DPYD: variants seen among roughly 807,000 people sequenced by gnomAD.
DPYD encodes the protein dihydropyrimidine dehydrogenase.
DPYD carries 109 observed loss-of-function variants against 116.2 expected under a neutral mutation model. The ratio of observed to expected loss-of-function variants is 0.94; its 90% CI spans 0.80 to 1.10. The LOEUF is 1.10. DPYD is among the 50% of genes least tolerant of loss of function. The pLI is 0.00. For missense variants in DPYD, 1,302 were observed against 1,254.5 expected (o/e 1.04, Z -0.57); for synonymous variants, 440 against 432.0 (o/e 1.02, Z -0.23).
intron 3 of DPYD, among the ~76,000 whole-genome samples, chr1:97,748,071 ATTAT>A (rs1250260968): frequency 6.6e-6 from 1 of 152,156 alleles, no homozygotes; most frequent in Non-Finnish European, 1.5e-5. Flanking sequence ...ATGTTTTATA[ATTAT>A]TTATGTACAT....
intron 19 of DPYD, among the ~76,000 whole-genome samples, chr1:97,197,145 T>C (rs531377068): frequency 5.3e-5 from 8 of 152,312 alleles, no homozygotes; most frequent in South Asian, 4.1e-4. Context: ...CCCATTTACA[T>C]CAGATTAAAA....
intron 2 of DPYD, among the ~76,000 whole-genome samples, chr1:97,835,592 A>T (rs1669731900): frequency 6.6e-6 from 1 of 152,122 alleles, no homozygotes; most frequent in Non-Finnish European, 1.5e-5. Flanking sequence ...TGAGAGGTCA[A>T]CAAAGTTCAG....
At chr1:97,633,949 G>A (rs929077497) in intron 8 of DPYD, among the ~76,000 whole-genome samples, 7 of 152,068 alleles carry the variant, frequency 4.6e-5, no homozygotes, top group South Asian at 2.1e-4. Context: ...GGCTAGGGAG[G>A]GAGAGCCTTC....
At chr1:97,721,737 C>T (rs558233285) in intron 4 of DPYD, 66 bp from the exon 5 acceptor site, 3 of 1,465,460 alleles carry the variant, frequency 2.0e-6, no homozygotes, top group African/African-American at 2.8e-5. Context: ...CAAATTACGA[C>T]AAACATTATT....
chr1:97,576,986 T>C (rs1391764894), intron 10 of DPYD, among the ~76,000 whole-genome samples: 1 of 152,208 alleles, frequency 6.6e-6, no homozygotes, highest in African/African-American at 2.4e-5. Context: ...AATAGTAATA[T>C]CATTTGCATA....
intron 20 of DPYD, among the ~76,000 whole-genome samples, chr1:97,179,380 T>C (rs1322362232): frequency 2.0e-5 from 3 of 152,072 alleles, no homozygotes; most frequent in South Asian, 4.1e-4. Flanking sequence ...AGCCTGATGA[T>C]GGGTGGGTGA....
intron 20 of DPYD, among the ~76,000 whole-genome samples, chr1:97,175,146 T>C (rs976873861): frequency 5.3e-5 from 8 of 152,234 alleles, no homozygotes; most frequent in Non-Finnish European, 8.8e-5. Flanking sequence ...CCATTTTATA[T>C]ACTCATTAGC....
At chr1:97,221,137 T>C (rs1351132293) in intron 19 of DPYD, among the ~76,000 whole-genome samples, 1 of 152,178 alleles carries the variant, frequency 6.6e-6, no homozygotes, top group Non-Finnish European at 1.5e-5. Context: ...ATCTCACTTA[T>C]AAAATTATAT....
intron 20 of DPYD, among the ~76,000 whole-genome samples, chr1:97,147,811 G>C (rs111934384): frequency 6.6e-6 from 1 of 152,146 alleles, no homozygotes; most frequent in African/African-American, 2.4e-5. Context: ...ATTGTGGAGC[G>C]AGTAATAGCT....
intron 19 of DPYD, among the ~76,000 whole-genome samples, chr1:97,209,518 G>T (rs989464245): frequency 6.6e-6 from 1 of 152,106 alleles, no homozygotes; most frequent in Non-Finnish European, 1.5e-5. Flanking sequence ...AATGTGTGAT[G>T]TATTTGGCCA....
intron 8 of DPYD, among the ~76,000 whole-genome samples, chr1:97,601,653 C>T (rs113516117): frequency 4.6e-5 from 7 of 152,014 alleles, no homozygotes; most frequent in African/African-American, 1.4e-4. Flanking sequence ...GGATTTATGT[C>T]TTACTTCTAA....
chr1:97,330,100 A>AT (rs1570537676), intron 16 of DPYD, among the ~76,000 whole-genome samples: 1 of 152,066 alleles, frequency 6.6e-6, no homozygotes, highest in East Asian at 1.9e-4. Flanking sequence ...TTAATTCCTA[A>AT]TTAGATAGTG....
chr1:97,358,656 C>G, intron 16 of DPYD, among the ~76,000 whole-genome samples: 1 of 152,120 alleles, frequency 6.6e-6, no homozygotes, highest in Non-Finnish European at 1.5e-5. Flanking sequence ...GCTGGTGACA[C>G]CCAGGCAAAC....
At chr1:97,725,582 T>C (rs1285936904) in intron 4 of DPYD, among the ~76,000 whole-genome samples, 4 of 151,664 alleles carry the variant, frequency 2.6e-5, no homozygotes, top group Non-Finnish European at 4.4e-5. Flanking sequence ...AGTATGGTAC[T>C]GACATGAGGA....
chr1:97,760,604 T>C (rs1347126823), intron 3 of DPYD, among the ~76,000 whole-genome samples: 1 of 152,108 alleles, frequency 6.6e-6, no homozygotes, highest in Non-Finnish European at 1.5e-5. Context: ...TATCAGGGAC[T>C]TGAACATCAG....
At chr1:97,105,332 C>T (rs1032996626) in intron 20 of DPYD, among the ~76,000 whole-genome samples, 12 of 152,028 alleles carry the variant, frequency 7.9e-5, no homozygotes, top group African/African-American at 2.7e-4. Context: ...AGAGAAGGAG[C>T]ACAGCCTGTT....
At chr1:97,264,520 G>A (rs530234825) in intron 18 of DPYD, among the ~76,000 whole-genome samples, 3 of 151,868 alleles carry the variant, frequency 2.0e-5, no homozygotes, top group Non-Finnish European at 2.9e-5. Context: ...AAATTCCAGT[G>A]ATTTGTCGAA....
At chr1:97,412,512 C>T (rs11165867) in intron 14 of DPYD, among the ~76,000 whole-genome samples, 25,264 of 152,050 alleles carry the variant, frequency 0.17, 2,372 homozygotes, top group East Asian at 0.38. Context: ...GGTTATAGTC[C>T]TCTAAGAGCA....
chr1:97,462,171 T>C (rs892556080), intron 13 of DPYD, among the ~76,000 whole-genome samples: 3 of 152,214 alleles, frequency 2.0e-5, no homozygotes, highest in Admixed American at 2.0e-4. Flanking sequence ...TTATTCATAA[T>C]AGCACTCTAA....
Sources: allele counts gnomAD v4.1 joint callset (sites outside exome capture counted in the v4.1 genomes callset), GRCh38; gene constraint gnomAD v4.1.1; transcripts MANE v1.5; gene names NCBI Gene and HGNC (gene_info 2026-07-23, HGNC 2026-07-21).